TP63: variants seen among roughly 807,000 people sequenced by gnomAD.
TP63 encodes tumor protein p63.
Under a neutral mutation model 82.8 loss-of-function variants are expected in TP63, and 17 were observed. The observed-to-expected ratio is 0.21, with a 90% CI of 0.14 to 0.31. The LOEUF (loss-of-function observed/expected upper bound fraction) is 0.31. TP63 is among the 10% of genes least tolerant of loss of function. The probability of loss-of-function intolerance (pLI) is 1.00; values close to 1 mark genes in which losing one functional copy is unlikely to be tolerated. For synonymous variants in TP63, 330 were observed against 321.7 expected (o/e 1.03, Z -0.28); for missense variants, 648 against 895.3 (o/e 0.72, Z 3.52).
chr3:189,708,181 A>T (rs113435651), intron 1 of TP63, among the ~76,000 whole-genome samples: 35 of 152,240 alleles, frequency 2.3e-4, no homozygotes, highest in African/African-American at 8.2e-4. Flanking sequence ...TAAGCTTAAA[A>T]ATGGTTTACT....
chr3:189,894,656 C>T lies in TP63; in HGVS notation c.*154C>T. 2.3e-6 allele frequency: 2 copies of T among 873,794 alleles called. No individual in the cohort carries two copies. Among genetic ancestry groups the T allele is most frequent in the African/African-American group, 1.7e-5 (1 of 59,348 alleles). The allele number at this position is 873,794 out of a possible 1,614,324, so 54.1% of individuals were successfully genotyped here. ...AAGTAAGAGGCTACCTCTTACCTAA[C>T]ATCTGACCTGGCATCTAATTCTGAT... is the stretch of plus-strand genomic sequence containing the variant. On this transcript the variant is annotated 3_prime_UTR_variant, in exon 14 of 14. Transcript: ENST00000264731.
intron 1 of TP63, among the ~76,000 whole-genome samples, chr3:189,633,687 G>T (rs1729598240): frequency 6.6e-6 from 1 of 152,070 alleles, no homozygotes; most frequent in African/African-American, 2.4e-5. Context: ...GAAGCTGTGA[G>T]ACTATGGTTC....
the TP63 span, among the ~76,000 whole-genome samples, chr3:189,600,136 T>C: frequency 6.6e-6 from 1 of 152,228 alleles, no homozygotes; most frequent in East Asian, 1.9e-4. Context: ...ACAAGTCCTT[T>C]TGAGCATCAC....
At chr3:189,740,746 C>T (rs139202817) in intron 3 of TP63, among the ~76,000 whole-genome samples, 83 of 152,180 alleles carry the variant, frequency 5.5e-4, no homozygotes, top group African/African-American at 2.0e-3. Context: ...GTGATCCACT[C>T]GCCTTTGCCT....
chr3:189,697,780 A>G (rs1717503735), intron 1 of TP63, among the ~76,000 whole-genome samples: 1 of 151,968 alleles, frequency 6.6e-6, no homozygotes, highest in Non-Finnish European at 1.5e-5. Flanking sequence ...TATTGGATTT[A>G]TAGCCAAATA....
chr3:189,656,304 T>G (rs536595975), intron 1 of TP63, among the ~76,000 whole-genome samples: 1 of 152,232 alleles, frequency 6.6e-6, no homozygotes, highest in East Asian at 1.9e-4. Context: ...AGACTTAGAT[T>G]AGTTAAAAGT....
At chr3:189,819,681 G>C (rs1292055133) in intron 4 of TP63, among the ~76,000 whole-genome samples, 1 of 150,716 alleles carries the variant, frequency 6.6e-6, no homozygotes, top group Non-Finnish European at 1.5e-5. Context: ...GTTACCAAAA[G>C]ATACTTCATT....
intron 3 of TP63, chr3:189,789,563 T>C: frequency 1.2e-6 from 1 of 865,696 alleles, no homozygotes; most frequent in Non-Finnish European, 1.5e-6. Context: ...AGTGGAGGAG[T>C]CCAGGTGGAA....
intron 3 of TP63, among the ~76,000 whole-genome samples, chr3:189,786,653 G>A (rs1227286357): frequency 6.6e-6 from 1 of 151,966 alleles, no homozygotes; most frequent in Non-Finnish European, 1.5e-5. Flanking sequence ...TGGCTTTACA[G>A]CGCCGCCATT....
At chr3:189,773,551 A>T (rs978919884) in intron 3 of TP63, among the ~76,000 whole-genome samples, 2 of 152,238 alleles carry the variant, frequency 1.3e-5, no homozygotes, top group Non-Finnish European at 2.9e-5. Flanking sequence ...ATGACTCAAA[A>T]TTCAGAAGCT....
chr3:189,735,037 G>A (rs1720476847), intron 1 of TP63, among the ~76,000 whole-genome samples: 1 of 152,014 alleles, frequency 6.6e-6, no homozygotes, highest in Non-Finnish European at 1.5e-5. Context: ...ATCTACAGAA[G>A]GTTCTAATGT....
intron 3 of TP63, among the ~76,000 whole-genome samples, chr3:189,806,247 C>G (rs529944179): frequency 8.6e-5 from 13 of 151,696 alleles, no homozygotes; most frequent in African/African-American, 3.1e-4. Flanking sequence ...AGCTGGGGTT[C>G]CTTCTGTGTA....
intron 4 of TP63, among the ~76,000 whole-genome samples, chr3:189,854,185 G>T (rs1319462046): frequency 1.3e-5 from 2 of 152,088 alleles, no homozygotes; most frequent in Non-Finnish European, 1.5e-5. Context: ...GTTTATGATG[G>T]CAACTGACTA....
chr3:189,872,845 G>A lies in TP63; in HGVS notation c.1213-14G>A. The A allele has an allele frequency of 6.2e-7, 1 of 1,614,018 alleles. No individual in the cohort carries two copies. The highest frequency in any genetic ancestry group is 8.5e-7 in the Non-Finnish European group (1 of 1,179,974). ...TTTTCATGTTTCCTTCTTTCCTTCT[G>A]CTCACTTCCATAGGTGAGGGGCCGT... On this transcript the variant is annotated splice_polypyrimidine_tract_variant and intron_variant, in intron 9 of 13. Transcript: ENST00000264731.
intron 4 of TP63, among the ~76,000 whole-genome samples, chr3:189,857,211 C>T (rs1333473789): frequency 6.6e-6 from 1 of 152,030 alleles, no homozygotes; most frequent in Non-Finnish European, 1.5e-5. Flanking sequence ...TATTCAGATA[C>T]AGACATGAAC....
chr3:189,679,603 GT>G (rs1218404209), intron 1 of TP63, among the ~76,000 whole-genome samples: 1 of 151,934 alleles, frequency 6.6e-6, no homozygotes, highest in East Asian at 1.9e-4. Flanking sequence ...TCTGTTGATT[GT>G]TTTTTTACTG....
intron 4 of TP63, among the ~76,000 whole-genome samples, chr3:189,821,612 A>G (rs946876241): frequency 1.3e-5 from 2 of 152,230 alleles, no homozygotes; most frequent in African/African-American, 4.8e-5. Context: ...AGCATTCCCA[A>G]CTAACAGATT....
At chr3:189,696,234 C>G (rs1717369222) in intron 1 of TP63, among the ~76,000 whole-genome samples, 1 of 152,090 alleles carries the variant, frequency 6.6e-6, no homozygotes, top group Non-Finnish European at 1.5e-5. Context: ...TTCCAGACAA[C>G]CACTAATCAC....
rs571843925 is a variant in TP63, at chr3:189,721,983, G to A, written c.63-15757G>A. ...AAGGAAGCCTGAAGGTTTAAGCCTG[G>A]AATTAAACAACAGCAAGAAAGTAGA... On this transcript the variant is annotated intron_variant, in intron 1 of 13. Coordinates refer to ENST00000264731, the MANE Select transcript of TP63 (RefSeq NM_003722.5). Among the ~76,000 whole-genome samples the A allele has an allele frequency of 2.0e-5, 3 of 152,298 alleles. No homozygotes were observed. The East Asian group carries it at 5.8e-4, about 29-fold the overall frequency.
Sources: allele counts gnomAD v4.1 joint callset (sites outside exome capture counted in the v4.1 genomes callset), GRCh38; gene constraint gnomAD v4.1.1; transcripts MANE v1.5; gene names NCBI Gene and HGNC (gene_info 2026-07-23, HGNC 2026-07-21).